SH3BP5: variants seen among roughly 807,000 people sequenced by gnomAD.
The protein encoded by SH3BP5 is SH3 domain binding protein 5.
In SH3BP5, 22 loss-of-function variants were observed where a neutral mutation model predicts 43.3. That is an observed-to-expected ratio of 0.51 (90% CI 0.36 to 0.73). The LOEUF (loss-of-function observed/expected upper bound fraction) is 0.73. SH3BP5 is among the 30% of genes least tolerant of loss of function. The probability of loss-of-function intolerance (pLI) is 0.00; values close to 1 mark genes in which losing one functional copy is unlikely to be tolerated. For synonymous variants in SH3BP5, 255 were observed against 225.8 expected, an observed-to-expected ratio of 1.13 and a Z score of -1.16; for missense variants, 529 against 586.9, an observed-to-expected ratio of 0.90 and a Z score of 1.02.
intron 3 of SH3BP5, among the ~76,000 whole-genome samples, chr3:15,292,178 C>A (rs1358663756): frequency 6.6e-6 from 1 of 152,186 alleles, no homozygotes; most frequent in African/African-American, 2.4e-5. Flanking sequence ...AATCACTTTA[C>A]TGAAAGCAGA....
chr3:15,299,165 A>C (rs1697659909), intron 3 of SH3BP5, among the ~76,000 whole-genome samples: 1 of 152,242 alleles, frequency 6.6e-6, no homozygotes. Flanking sequence ...ATTGATTCAC[A>C]TGGGCTCCGC....
chr3:15,299,709 C>A (rs1697680431), intron 3 of SH3BP5, among the ~76,000 whole-genome samples: 1 of 151,814 alleles, frequency 6.6e-6, no homozygotes. Flanking sequence ...CCATGTTGCC[C>A]AGGCTGAAAT....
intron 2 of SH3BP5, among the ~76,000 whole-genome samples, chr3:15,328,247 G>A (rs1372819148): frequency 1.3e-5 from 2 of 152,036 alleles, no homozygotes; most frequent in East Asian, 3.9e-4. Context: ...AAATACCTAA[G>A]TGTATTCAGA....
intron 2 of SH3BP5, among the ~76,000 whole-genome samples, chr3:15,327,394 C>A (rs368053678): frequency 6.6e-6 from 1 of 151,848 alleles, no homozygotes; most frequent in African/African-American, 2.4e-5. Context: ...CGTGAGACTC[C>A]GTCTCAGGAA....
At chr3:15,265,952 C>G (rs1696631696) in intron 4 of SH3BP5, among the ~76,000 whole-genome samples, 1 of 152,190 alleles carries the variant, frequency 6.6e-6, no homozygotes, top group East Asian at 1.9e-4. Context: ...GCTTGGCCAG[C>G]CTCTTCGCGG....
At chr3:15,329,634 T>C (rs1698560221) in intron 2 of SH3BP5, among the ~76,000 whole-genome samples, 1 of 152,228 alleles carries the variant, frequency 6.6e-6, no homozygotes, top group South Asian at 2.1e-4. Flanking sequence ...CTCTCACTCT[T>C]AGGGACCATG....
intron 4 of SH3BP5, among the ~76,000 whole-genome samples, chr3:15,265,512 T>TCTCACTCACACACACACACACACACA (rs1318765546): frequency 4.6e-4 from 50 of 107,986 alleles, no homozygotes; most frequent in African/African-American, 2.0e-3. Context: ...CGAGACTCCG[T>TCTCACTCACACACACACACACACACA]CACACACACA....
intron 4 of SH3BP5, among the ~76,000 whole-genome samples, chr3:15,269,131 GA>G (rs1365484228): frequency 6.6e-6 from 1 of 152,124 alleles, no homozygotes; most frequent in African/African-American, 2.4e-5. Context: ...AGCCAGTAAA[GA>G]ACCCAATATA....
intron 3 of SH3BP5, among the ~76,000 whole-genome samples, chr3:15,272,019 G>T (rs964881294): frequency 2.0e-5 from 3 of 152,126 alleles, no homozygotes; most frequent in African/African-American, 7.2e-5. Context: ...CTGGTGGGAC[G>T]TCCCTAAGGC....
upstream of SH3BP5, chr3:15,333,055 C>T (rs367944084): frequency 1.3e-5 from 13 of 982,166 alleles, no homozygotes; most frequent in East Asian, 9.1e-4. Context: ...TGGGCGAGCC[C>T]CATACCGAAA....
Position 15,294,330 on chromosome 3 carries a change from T to TGTGTGCGC in SH3BP5, c.330+9772_330+9773insGCGCACAC, listed in dbSNP as rs565464561. Reference sequence around the variant, plus strand: ...GTGTGTGTGTGTGTGTGTGTGTGTGTGCGCGCGCATGTTTACGTAACTCCC... The same window carrying TGTGTGCGC: ...GTGTGTGTGTGTGTGTGTGTGTGTGTGTGTGCGCGCGCGCGCATGTTTACGTAACTCCC... On this transcript the variant is annotated intron_variant, in intron 3 of 8. Transcript: ENST00000383791. Among the ~76,000 whole-genome samples, 433 of 121,536 alleles carry TGTGTGCGC rather than the reference T, an allele frequency of 3.6e-3. 4 individuals are homozygous for TGTGTGCGC. Among genetic ancestry groups the TGTGTGCGC allele is most frequent in the African/African-American group, 0.016 (394 of 25,160 alleles). 79.7% of individuals were successfully genotyped at this position (121,536 alleles called of 152,430 possible). A position where few individuals can be genotyped will look rare whatever the true frequency, so the allele number is the denominator to read the frequency against.
chr3:15,265,512 T>TCACACACACACACA (rs368955496), intron 4 of SH3BP5, among the ~76,000 whole-genome samples: 3,391 of 107,848 alleles, frequency 0.031, 127 homozygotes, highest in Admixed American at 0.043. Context: ...CGAGACTCCG[T>TCACACACACACACA]CACACACACA....
rs1036155974 is a variant in SH3BP5 at position 15,254,537 on chromosome 3, C to T, written c.*1549G>A. 12 of 151,772 alleles carry T rather than the reference C, an allele frequency of 7.9e-5. No homozygotes were observed. The highest frequency in any genetic ancestry group is 2.9e-4 in the African/African-American group (12 of 41,066). 9.4% of individuals were successfully genotyped at this position (151,772 alleles called of 1,614,324 possible). A position where few individuals can be genotyped will look rare whatever the true frequency, so the allele number is the denominator to read the frequency against. ...CCCAGTTAATTAATTAAATAATTCT[C>T]TGGGGATGAGAACTGACTGACAGCA... is the stretch of plus-strand genomic sequence containing the variant. On this transcript the variant is annotated 3_prime_UTR_variant, in exon 9 of 9. Coordinates refer to ENST00000383791, the MANE Select transcript of SH3BP5 (RefSeq NM_004844.5).
intron 3 of SH3BP5, among the ~76,000 whole-genome samples, chr3:15,291,479 T>C (rs1007507244): frequency 6.6e-6 from 1 of 152,130 alleles, no homozygotes; most frequent in Non-Finnish European, 1.5e-5. Flanking sequence ...GTACCAAATA[T>C]GGCATAGAAC....
intron 2 of SH3BP5, among the ~76,000 whole-genome samples, chr3:15,317,832 G>A (rs745688346): frequency 2.6e-5 from 4 of 152,110 alleles, no homozygotes; most frequent in Non-Finnish European, 5.9e-5. Context: ...CTGAAATCTC[G>A]GGAGATAAAG....
At chr3:15,317,534 C>T (rs892201186) in intron 2 of SH3BP5, among the ~76,000 whole-genome samples, 24 of 152,056 alleles carry the variant, frequency 1.6e-4, no homozygotes, top group African/African-American at 5.1e-4. Context: ...ACTAGGGGTG[C>T]GGGGGAGTGA....
intron 3 of SH3BP5, among the ~76,000 whole-genome samples, chr3:15,293,911 C>G (rs1244444045): frequency 6.6e-6 from 1 of 151,898 alleles, no homozygotes; most frequent in Non-Finnish European, 1.5e-5. Context: ...AATCCTGTCT[C>G]TACTAAAAAT....
intron 6 of SH3BP5, 178 bp downstream of exon 6, chr3:15,259,583 G>C (rs1696355680): frequency 1.4e-6 from 1 of 732,224 alleles, no homozygotes; most frequent in African/African-American, 1.7e-5. Flanking sequence ...AGTTACAGAG[G>C]TTCAGAGACC....
At chr3:15,340,079 C>G (rs550256171) in intron 1 of SH3BP5, among the ~76,000 whole-genome samples, 1 of 152,184 alleles carries the variant, frequency 6.6e-6, no homozygotes, top group Non-Finnish European at 1.5e-5. Flanking sequence ...AAGAACAAAT[C>G]ATCTCAGCAC....
Sources: gnomAD v4.1 joint callset for allele counts (sites outside exome capture counted in the v4.1 genomes callset) on GRCh38, gnomAD v4.1.1 for gene constraint, MANE v1.5 for transcripts, NCBI Gene and HGNC (gene_info 2026-07-23, HGNC 2026-07-21) for gene names.